ICE1: variants seen among roughly 807,000 people sequenced by gnomAD.
ICE1 encodes little elongation complex subunit 1.
ICE1 carries 64 observed loss-of-function variants against 192.7 expected under a neutral mutation model. The ratio of observed to expected loss-of-function variants is 0.33; its 90% CI spans 0.27 to 0.41. The LOEUF is 0.41. Among genes scored for constraint, ICE1 ranks in the 10% least tolerant of loss-of-function variants. ICE1 has a pLI of 1.00. For synonymous variants in ICE1, 1,010 were observed against 984.5 expected, an observed-to-expected ratio of 1.03 and a Z score of -0.49; for missense variants, 2,708 against 2,696.0, an observed-to-expected ratio of 1.00 and a Z score of -0.10.
intron 1 of ICE1, among the ~76,000 whole-genome samples, chr5:5,428,220 TAGAG>T (rs1378595986): frequency 6.6e-6 from 1 of 152,014 alleles, no homozygotes; most frequent in Non-Finnish European, 1.5e-5. Flanking sequence ...GGGGCACAGT[TAGAG>T]AGAGGTGGAC....
chr5:5,475,319 C>A (rs1739276630), intron 16 of ICE1, among the ~76,000 whole-genome samples: 1 of 152,150 alleles, frequency 6.6e-6, no homozygotes, highest in Non-Finnish European at 1.5e-5. Flanking sequence ...AGAAGAAAAG[C>A]CAGAATTAGA....
chr5:5,443,347 G>A (rs1441443837), intron 6 of ICE1, 103 bp downstream of exon 6: 4 of 625,126 alleles, frequency 6.4e-6, no homozygotes, highest in African/African-American at 3.9e-5. Flanking sequence ...TGGATTTCTT[G>A]GCCATAATTA....
chr5:5,472,083 T>C (rs560412108), intron 15 of ICE1, among the ~76,000 whole-genome samples: 2 of 152,330 alleles, frequency 1.3e-5, no homozygotes, highest in East Asian at 3.9e-4. Flanking sequence ...GTTAGTTAAC[T>C]CATGTATTTA....
chr5:5,477,364 A>T (rs1380218419), intron 17 of ICE1, among the ~76,000 whole-genome samples: 4 of 152,246 alleles, frequency 2.6e-5, no homozygotes, highest in Admixed American at 2.0e-4. Context: ...AAACACCTCT[A>T]TGCAAATAAA....
chr5:5,482,775 A>AACACACACACACACACACACAC lies in ICE1; in HGVS notation c.6521-3931_6521-3910dup, dbSNP rs70965943. 2.2e-5 allele frequency among the ~76,000 whole-genome samples: 3 copies of AACACACACACACACACACACAC among 135,998 alleles called. No individual in the cohort carries two copies. In the Admixed American group the frequency reaches 2.2e-4, roughly 10 times the overall value. The allele number at this position is 135,998 out of a possible 152,430, so 89.2% of individuals were successfully genotyped here. ...GGTGACATTAACACCCCCACCCCCCAACACACACACACACACACACACACA... is the reference window on the plus strand; with the variant it reads ...GGTGACATTAACACCCCCACCCCCCAACACACACACACACACACACACACACACACACACACACACACACACA... On this transcript the variant is annotated intron_variant, in intron 17 of 18. Coordinates refer to ENST00000296564, the MANE Select transcript of ICE1 (RefSeq NM_015325.3).
At chr5:5,440,369 C>T (rs1272282256) in intron 4 of ICE1, among the ~76,000 whole-genome samples, 1 of 152,148 alleles carries the variant, frequency 6.6e-6, no homozygotes, top group Admixed American at 6.5e-5. Flanking sequence ...CATAAAATTG[C>T]CTGTCACTTA....
At chr5:5,472,942 G>T (rs1314513372) in intron 15 of ICE1, among the ~76,000 whole-genome samples, 1 of 152,102 alleles carries the variant, frequency 6.6e-6, no homozygotes, top group African/African-American at 2.4e-5. Context: ...TCCTCACAAA[G>T]GCTTGCACGT....
chr5:5,464,958 T>C lies in ICE1; in HGVS notation c.5624T>C (p.Leu1875Pro). The C allele has an allele frequency of 6.2e-7, 1 of 1,613,562 alleles. No individual in the cohort carries two copies. The highest frequency in any genetic ancestry group is 8.5e-7 in the Non-Finnish European group (1 of 1,179,686). ...EGIHKNLPGNLPPAEVATTNE... is the reference protein window; with the variant it reads ...EGIHKNLPGNPPPAEVATTNE... ...ATCCACAAAAACCTCCCAGGGAACC[T>C]CCCTCCAGCTGAAGTTGCAACAACA... Residue 1875 changes from leucine (L) to proline (P), a missense_variant, in exon 13 of 19, where the codon CTC becomes CCC. By Grantham distance (98) the Leu-to-Pro change is moderately conservative. Around this residue, in one of 2 missense-constraint regions of ICE1, gnomAD observed 2,366 missense variants for 2,276.6 expected, o/e 1.04. Coordinates refer to ENST00000296564, the MANE Select transcript of ICE1 (RefSeq NM_015325.3). This position sits in a 1 kb window ranked among gnomAD's most constrained non-coding sequence, Gnocchi z 4.0.
rs772822519 is a variant in ICE1, at chr5:5,462,053, G to A, written c.2719G>A (p.Glu907Lys). 1.9e-6 allele frequency: 3 copies of A among 1,613,974 alleles called. No individual in the cohort carries two copies. The highest frequency in any genetic ancestry group is 2.5e-6 in the Non-Finnish European group (3 of 1,179,894). Reference sequence around the variant, plus strand: ...GTCAACTGTAGCAAAATGTGATGGGGAAAGAGATGATACAACACAAAACAT... The same window carrying A: ...GTCAACTGTAGCAAAATGTGATGGGAAAAGAGATGATACAACACAAAACAT... ...GMSTVAKCDG[E>K]RDDTTQNITE... The change falls in exon 13 of 19, where the codon GAA (glutamate) becomes AAA (lysine). Residue 907 changes from glutamate to lysine, a missense_variant. This residue lies in a region of ICE1 where 2,366 missense variants were observed against 2,276.6 expected (regional missense o/e 1.04). Coordinates refer to ENST00000296564, the MANE Select transcript of ICE1 (RefSeq NM_015325.3).
At chr5:5,477,428 A>G (rs1027270066) in intron 17 of ICE1, among the ~76,000 whole-genome samples, 4 of 152,264 alleles carry the variant, frequency 2.6e-5, no homozygotes, top group Non-Finnish European at 5.9e-5. Context: ...CTCTCCCAAG[A>G]CTAAACCAGA....
rs748265138 is a variant in ICE1 at position 5,463,844 on chromosome 5, A to G, written c.4510A>G (p.Asn1504Asp). 3 of 1,613,972 alleles carry G rather than the reference A, an allele frequency of 1.9e-6. No individual in the cohort carries two copies. In the Admixed American group the frequency reaches 5.0e-5, roughly 27 times the overall value. The change falls in exon 13 of 19, where the codon AAC (asparagine) becomes GAC (aspartate). Residue 1504 changes from asparagine to aspartate, a missense_variant. Asn to Asp is a conservative substitution (Grantham distance 23, BLOSUM62 1). Around this residue, in one of 2 missense-constraint regions of ICE1, gnomAD observed 2,366 missense variants for 2,276.6 expected, o/e 1.04. Transcript: ENST00000296564. Reference protein sequence around the residue: ...EDVSSSGQSTNFDKSRLRNRP... With the variant: ...EDVSSSGQSTDFDKSRLRNRP... ...TGTTTCAAGCAGTGGTCAGAGCACC[A>G]ACTTTGATAAGAGTCGTTTGCGAAA...
At chr5:5,436,233 A>G (rs561889779) in intron 1 of ICE1, among the ~76,000 whole-genome samples, 185 bp from the exon 2 acceptor site, 1 of 152,324 alleles carries the variant, frequency 6.6e-6, no homozygotes, top group South Asian at 2.1e-4. Context: ...ACTATCATTC[A>G]GATAAACAGG....
chr5:5,447,610 C>G (rs1455269759), intron 8 of ICE1, 101 bp downstream of exon 8: 2 of 1,366,950 alleles, frequency 1.5e-6, no homozygotes, highest in Admixed American at 4.2e-5. Flanking sequence ...CATGAGGCCC[C>G]CTGGCAAAAA....
Position 5,465,197 on chromosome 5 carries a change from GTTGT to G in ICE1, c.5866_5869del (p.Val1956MetfsTer10). 6.3e-7 allele frequency: 1 copy of G among 1,588,266 alleles called. No individual in the cohort carries two copies. The highest frequency in any genetic ancestry group is 8.6e-7 in the Non-Finnish European group (1 of 1,166,332). ...CGTAATGAGAGATCAAGAGAAGGAA[GTTGT>G]TTATGAATTTAGCACAACAAAAAAG... On this transcript the variant is annotated frameshift_variant, in exon 13 of 19. Transcript: ENST00000296564. LOFTEE classifies it high-confidence loss of function.
intron 11 of ICE1, among the ~76,000 whole-genome samples, chr5:5,456,158 G>A (rs1738574790): frequency 6.6e-6 from 1 of 152,180 alleles, no homozygotes; most frequent in Non-Finnish European, 1.5e-5. Flanking sequence ...ATGTGGATAT[G>A]TATTATCACT....
At chr5:5,471,359 CAT>C (rs112050545) in intron 15 of ICE1, among the ~76,000 whole-genome samples, 6,276 of 152,154 alleles carry the variant, frequency 0.041, 361 homozygotes, top group East Asian at 0.28. Flanking sequence ...TGTACAAAGA[CAT>C]GTGTAGATTC....
chr5:5,431,568 C>T (rs1377668135), intron 1 of ICE1, among the ~76,000 whole-genome samples: 2 of 152,178 alleles, frequency 1.3e-5, no homozygotes, highest in East Asian at 3.8e-4. Context: ...GAATTACTTG[C>T]CCTTTGCCAT....
At chr5:5,478,864 T>G (rs927969205) in intron 17 of ICE1, among the ~76,000 whole-genome samples, 6 of 152,130 alleles carry the variant, frequency 3.9e-5, no homozygotes, top group Admixed American at 3.9e-4. Flanking sequence ...TCCCTATTTA[T>G]TAAATGGTGC....
chr5:5,441,257 T>G (rs1254648084), intron 5 of ICE1, 34 bp downstream of exon 5: 11 of 1,333,798 alleles, frequency 8.2e-6, no homozygotes, highest in Non-Finnish European at 1.2e-5. Flanking sequence ...AGATTTACGG[T>G]CAATAAATTA....
Sources: allele counts gnomAD v4.1 joint callset (sites outside exome capture counted in the v4.1 genomes callset), GRCh38; gene constraint gnomAD v4.1.1; regional missense constraint gnomAD v4.1.1; non-coding constraint Gnocchi (gnomAD v3.1); transcripts MANE v1.5; gene names NCBI Gene and HGNC (gene_info 2026-07-23, HGNC 2026-07-21).